Variants in NOS3 observed in about 807,000 individuals in gnomAD.
NOS3 encodes NOS type III.
A neutral mutation model predicts 144.9 loss-of-function variants in NOS3; 98 were observed. That is an observed-to-expected ratio of 0.68 (90% CI 0.57 to 0.80). The LOEUF (loss-of-function observed/expected upper bound fraction) is 0.80, where lower values mean the gene tolerates loss of function less well. Among genes scored for constraint, NOS3 ranks in the 30% least tolerant of loss-of-function variants. The pLI, the probability that NOS3 is intolerant of heterozygous loss-of-function variation, is 0.00. For synonymous variants in NOS3, 714 were observed against 702.4 expected (o/e 1.02, Z -0.26); for missense variants, 1,465 against 1,656.4 (o/e 0.88, Z 2.01).
intron 1 of NOS3, among the ~76,000 whole-genome samples, chr7:150,992,167 A>T (rs2117092459): frequency 6.7e-6 from 1 of 150,082 alleles, no homozygotes; most frequent in South Asian, 2.1e-4. Flanking sequence ...AAAAAGACAG[A>T]AGGATGTCAG....
In NOS3 at chr7:150,996,877, G is replaced by A; in HGVS notation, c.534G>A (p.Trp178Ter). 1 of 1,587,352 alleles carries A rather than the reference G, an allele frequency of 6.3e-7. No homozygotes were observed. The highest frequency in any genetic ancestry group is 1.3e-5 in the African/African-American group (1 of 74,580). ...TGGTGTTCGGGGCTAAGCAGGCCTG[G>A]CGCAACGCTCCCCGCTGCGTGGGCC... is the stretch of plus-strand genomic sequence containing the variant. ...SELVFGAKQA[W>*]RNAPRCVGRI... The change falls in exon 5 of 27, where the codon TGG (tryptophan) becomes TGA (stop). Residue 178 changes from tryptophan to a stop codon, truncating the protein, a stop_gained. Coordinates refer to ENST00000297494, the MANE Select transcript of NOS3 (RefSeq NM_000603.5). LOFTEE classifies it high-confidence loss of function.
chr7:151,002,158 C>CG lies in NOS3; in HGVS notation c.1648-37dup, dbSNP rs766301963. 6.8e-7 allele frequency: 1 copy of CG among 1,460,252 alleles called. No individual in the cohort carries two copies. Among genetic ancestry groups the CG allele is most frequent in the Non-Finnish European group, 9.4e-7 (1 of 1,058,376 alleles). The allele number at this position is 1,460,252 out of a possible 1,614,324, so 90.5% of individuals were successfully genotyped here. A position where few individuals can be genotyped will look rare whatever the true frequency, so the allele number is the denominator to read the frequency against. On this transcript the variant is annotated intron_variant, in intron 13 of 26. Transcript: ENST00000297494. This position sits in a 1 kb window ranked among gnomAD's most constrained non-coding sequence, Gnocchi z 4.1. Reference sequence around the variant, plus strand: ...GCCAGAGTGAGGAGGGCAGGGCCTCCGGGGGCCACAGCACCCAGGACATCT... The same window carrying CG: ...GCCAGAGTGAGGAGGGCAGGGCCTCCGGGGGGCCACAGCACCCAGGACATCT...
Position 151,002,856 on chromosome 7 carries a change from G to T in NOS3, c.1752+552G>T. ...TTGAGAACCTATTTACGTTGCCCAG[G>T]CTGGCCTTGAACTCCTAGCCTCAAG... On this transcript the variant is annotated intron_variant, in intron 14 of 26. Coordinates refer to ENST00000297494, the MANE Select transcript of NOS3 (RefSeq NM_000603.5). This position sits in a 1 kb window ranked among gnomAD's most constrained non-coding sequence, Gnocchi z 4.1. 4.9e-6 allele frequency: 1 copy of T among 204,522 alleles called. No homozygotes were observed. The highest frequency in any genetic ancestry group is 1.0e-5 in the Non-Finnish European group (1 of 98,242). 12.7% of individuals were successfully genotyped at this position (204,522 alleles called of 1,614,324 possible).
At chr7:151,000,748 C>G (rs981980288) in intron 10 of NOS3, 149 bp downstream of exon 10, 1 of 643,470 alleles carries the variant, frequency 1.6e-6, no homozygotes, top group Non-Finnish European at 2.8e-6. Flanking sequence ...ATGGCGCACA[C>G]TGGCCTGCGG....
Position 151,014,457 on chromosome 7 carries a change from T to C in NOS3, c.*288T>C, listed in dbSNP as rs377732577. Reference sequence around the variant, plus strand: ...TCCTGTTTCTTAGTCGAATGTTAGATTCCTCTTGCCTCTCTCAGGAGTATC... The same window carrying C: ...TCCTGTTTCTTAGTCGAATGTTAGACTCCTCTTGCCTCTCTCAGGAGTATC... On this transcript the variant is annotated 3_prime_UTR_variant, in exon 27 of 27. Transcript: ENST00000297494. 3.8e-4 allele frequency: 171 copies of C among 447,328 alleles called. 1 individual carries two copies. In the Middle Eastern group the frequency reaches 8.3e-3, roughly 22 times the overall value. 27.7% of individuals were successfully genotyped at this position (447,328 alleles called of 1,614,324 possible).
At chr7:151,011,477 T>A (rs1795303259) in intron 23 of NOS3, among the ~76,000 whole-genome samples, 1 of 143,626 alleles carries the variant, frequency 7.0e-6, no homozygotes, top group African/African-American at 2.5e-5. Context: ...AGTGGTACGA[T>A]CTCGGCTTAC....
chr7:151,002,271 A>G lies in NOS3; in HGVS notation c.1719A>G (p.Thr573=). 1 of 1,598,168 alleles carries G rather than the reference A, an allele frequency of 6.3e-7. No individual in the cohort carries two copies. Among genetic ancestry groups the G allele is most frequent in the South Asian group, 1.1e-5 (1 of 88,326 alleles). Residue 573 remains threonine (T), a synonymous_variant, in exon 14 of 27, where the codon ACA becomes ACG. Transcript: ENST00000297494. This position sits in a 1 kb window ranked among gnomAD's most constrained non-coding sequence, Gnocchi z 4.1. ...CGCTGGTGCTGGTGGTAACCAGCAC[A>G]TTTGGGAATGGGGATCCCCCGGAGA... is the stretch of plus-strand genomic sequence containing the variant. ...HETLVLVVTS[T]FGNGDPPENG...
In NOS3 at chr7:151,008,990, A is replaced by G; in HGVS notation, c.2173A>G (p.Ser725Gly). 6.2e-7 allele frequency: 1 copy of G among 1,611,678 alleles called. No homozygotes were observed. ...DAKAAARDIF[S>G]PKRSWKRQRY... ...CAAGGCCGCCGCCCGAGACATCTTC[A>G]GCCCCAAACGGAGCTGGAAGCGCCA... is the stretch of plus-strand genomic sequence containing the variant. Residue 725 changes from serine to glycine, a missense_variant, in exon 18 of 27, where the codon AGC becomes GGC. Physicochemically the swap from Ser to Gly is moderately conservative, Grantham distance 56. Transcript: ENST00000297494.
At chr7:151,010,391 TCTC>T (rs1795279263) in intron 21 of NOS3, 104 bp downstream of exon 21, 6 of 1,219,690 alleles carry the variant, frequency 4.9e-6, no homozygotes, top group East Asian at 2.5e-5. Context: ...TGGACTTTCT[TCTC>T]CTGGCCGACA....
Position 150,998,352 on chromosome 7 carries a change from CTCAGGTGT to C in NOS3, c.583-2_588del. 2.5e-6 allele frequency: 4 copies of C among 1,610,802 alleles called. No homozygotes were observed. The highest frequency in any genetic ancestry group is 3.4e-6 in the Non-Finnish European group (4 of 1,179,358). On this transcript the variant is annotated splice_acceptor_variant and splice_polypyrimidine_tract_variant and coding_sequence_variant and intron_variant, in exon 6 of 27. Transcript: ENST00000297494. LOFTEE classifies it high-confidence loss of function. This position sits in a 1 kb window ranked among gnomAD's most constrained non-coding sequence, Gnocchi z 5.0. ...CCTCCTCTCCCGCTGCCTCGGCTGG[CTCAGGTGT>C]TCGATGCCCGGGACTGCAGGTCTGC...
Position 151,003,801 on chromosome 7 carries a change from T to G in NOS3, c.1752+1497T>G. On this transcript the variant is annotated intron_variant, in intron 14 of 26. Coordinates refer to ENST00000297494, the MANE Select transcript of NOS3 (RefSeq NM_000603.5). The surrounding 1 kb of genome is among the most constrained non-coding windows in gnomAD (Gnocchi z 4.1). ...CTCGTGTTGCTGCGTGACTCAGTAT[T>G]TCACTCATTCTGCTGCTGAGTGCCG... The G allele has an allele frequency of 2.2e-6, 1 of 460,474 alleles. No homozygotes were observed. Among genetic ancestry groups the G allele is most frequent in the East Asian group, 7.0e-5 (1 of 14,230 alleles). 28.5% of individuals were successfully genotyped at this position (460,474 alleles called of 1,614,324 possible).
intron 17 of NOS3, 95 bp from the exon 18 acceptor site, chr7:151,008,835 C>T (rs1419294059): frequency 7.1e-7 from 1 of 1,401,076 alleles, no homozygotes; most frequent in East Asian, 2.5e-5. Flanking sequence ...GCTGCCAACC[C>T]CCCAGGAGCA....
chr7:150,995,442 G>A, intron 3 of NOS3, 128 bp downstream of exon 3: 1 of 629,356 alleles, frequency 1.6e-6, no homozygotes, highest in South Asian at 2.1e-5. Flanking sequence ...AAAGAGGAGA[G>A]GACTGGGAAG....
rs759717803 is a variant in NOS3, at chr7:150,999,348, G to A, written c.1115G>A (p.Arg372His). 8.2e-6 allele frequency: 13 copies of A among 1,583,258 alleles called. No homozygotes were observed. Among genetic ancestry groups the A allele is most frequent in the Admixed American group, 7.1e-5 (4 of 55,964 alleles). The stretch of plus-strand genomic sequence containing the variant: ...ACGAGGAACCTGTGTGACCCTCACC[G>A]CTACAACATCCTGGAGGTGAGGTGC... ...IGTRNLCDPH[R>H]YNILEDVAVC... The change falls in exon 9 of 27, where the codon CGC becomes CAC. Residue 372 changes from arginine (R) to histidine (H), a missense_variant. Coordinates refer to ENST00000297494, the MANE Select transcript of NOS3 (RefSeq NM_000603.5).
Position 151,012,397 on chromosome 7 carries a change from C to G in NOS3, c.3031C>G (p.Leu1011Val). The G allele has an allele frequency of 6.3e-7, 1 of 1,599,928 alleles. No individual in the cohort carries two copies. Among genetic ancestry groups the G allele is most frequent in the Non-Finnish European group, 8.5e-7 (1 of 1,174,124 alleles). ...ACCCGATCCCAGCTTGCCCTGCATC[C>G]TGGTGGGTCCAGGCACTGGCATTGC... is the stretch of plus-strand genomic sequence containing the variant. The part of the protein sequence containing the change: ...LPPDPSLPCI[L>V]VGPGTGIAPF... Residue 1011 changes from leucine (L) to valine (V), a missense_variant, in exon 24 of 27, where the codon CTG becomes GTG. This residue lies in a region of NOS3 where 106 missense variants were observed against 167.7 expected (regional missense o/e 0.63). Transcript: ENST00000297494.
chr7:151,013,982 T>A, intron 26 of NOS3, 26 bp from the exon 27 acceptor site: 2 of 1,608,846 alleles, frequency 1.2e-6, no homozygotes, highest in Non-Finnish European at 1.7e-6. Context: ...AGTCGGGTTC[T>A]GATCCACTGT....
chr7:151,001,688 G>A, intron 12 of NOS3, 71 bp downstream of exon 12: 2 of 1,576,096 alleles, frequency 1.3e-6, no homozygotes, highest in South Asian at 1.1e-5. Flanking sequence ...ACACCCTGGG[G>A]GACCCTGCCC....
intron 20 of NOS3, among the ~76,000 whole-genome samples, 177 bp from the exon 21 acceptor site, chr7:151,009,938 G>T (rs1008631647): frequency 6.6e-6 from 1 of 152,184 alleles, no homozygotes; most frequent in East Asian, 1.9e-4. Context: ...AGGCAGAGGA[G>T]CCCAGACCAA....
chr7:150,999,377 A>C lies in NOS3; in HGVS notation c.1131+13A>C, dbSNP rs1795024195. The C allele has an allele frequency of 6.4e-7, 1 of 1,553,664 alleles. No individual in the cohort carries two copies. The highest frequency in any genetic ancestry group is 8.7e-7 in the Non-Finnish European group (1 of 1,148,732). On this transcript the variant is annotated intron_variant, in intron 9 of 26. Coordinates refer to ENST00000297494, the MANE Select transcript of NOS3 (RefSeq NM_000603.5). The stretch of plus-strand genomic sequence containing the variant: ...CAACATCCTGGAGGTGAGGTGCGGG[A>C]TGGGGCTCGGGCACCGAATGCACCT...
Sources: gnomAD v4.1 joint callset for allele counts (sites outside exome capture counted in the v4.1 genomes callset) on GRCh38, gnomAD v4.1.1 for gene constraint, gnomAD v4.1.1 regional missense constraint, Gnocchi (gnomAD v3.1) non-coding constraint, MANE v1.5 for transcripts, NCBI Gene and HGNC (gene_info 2026-07-23, HGNC 2026-07-21) for gene names.